SKIC3: variants seen among roughly 807,000 people sequenced by gnomAD.
The protein encoded by SKIC3 is superkiller complex protein 3.
At chr5:95,541,923 T>C in the SKIC3 span, 1 of 1,506,938 alleles carries the variant, frequency 6.6e-7, no homozygotes, top group Non-Finnish European at 9.2e-7. Context: ...GAAGAAGTAC[T>C]CATGATTATT....
the SKIC3 span, chr5:95,528,029 A>G: frequency 6.2e-7 from 1 of 1,613,610 alleles, no homozygotes; most frequent in African/African-American, 1.3e-5. Flanking sequence ...AAGCGTACGA[A>G]TTGCTTCCTC....
At chr5:95,489,989 TTACTAAAAAATGATTAA>T in the SKIC3 span, among the ~76,000 whole-genome samples, 1 of 152,188 alleles carries the variant, frequency 6.6e-6, no homozygotes, top group East Asian at 1.9e-4. Flanking sequence ...TGCTTAACAT[TTACTAAAAAATGATTAA>T]TAACCTAAAA....
chr5:95,465,703 T>C, the SKIC3 span, among the ~76,000 whole-genome samples: 83 of 152,316 alleles, frequency 5.4e-4, no homozygotes, highest in Non-Finnish European at 2.1e-4. Context: ...GTGACGTGGA[T>C]GGACTGATAT....
the SKIC3 span, among the ~76,000 whole-genome samples, chr5:95,554,555 C>T: frequency 6.6e-6 from 1 of 152,236 alleles, no homozygotes; most frequent in Non-Finnish European, 1.5e-5. Context: ...ATGCTTTCCC[C>T]TGCCTACAGC....
the SKIC3 span, chr5:95,484,972 G>A: frequency 1.0e-6 from 1 of 988,274 alleles, no homozygotes; most frequent in Non-Finnish European, 1.6e-6. Context: ...AGTTACATGT[G>A]CCACATGTAC....
chr5:95,509,174 T>C, the SKIC3 span, among the ~76,000 whole-genome samples: 1,891 of 152,252 alleles, frequency 0.012, 42 homozygotes, highest in African/African-American at 0.044. Context: ...TAGTACCTTC[T>C]TCCCGAGAAT....
the SKIC3 span, among the ~76,000 whole-genome samples, chr5:95,493,508 C>A: frequency 6.6e-6 from 1 of 151,980 alleles, no homozygotes; most frequent in Non-Finnish European, 1.5e-5. Context: ...AAATAAAAAA[C>A]CTACCAATAT....
chr5:95,509,731 G>C, the SKIC3 span: 1 of 1,256,686 alleles, frequency 8.0e-7, no homozygotes, highest in Admixed American at 1.7e-5. Flanking sequence ...GCCTACTGAT[G>C]GTATTAACAA....
At chr5:95,487,995 G>C in the SKIC3 span, among the ~76,000 whole-genome samples, 4 of 152,008 alleles carry the variant, frequency 2.6e-5, no homozygotes, top group East Asian at 1.9e-4. Flanking sequence ...GATATCATAA[G>C]AAATAACCAA....
the SKIC3 span, chr5:95,498,637 T>C: frequency 6.4e-7 from 1 of 1,555,068 alleles, no homozygotes; most frequent in African/African-American, 1.4e-5. Flanking sequence ...CTTTTTTTTT[T>C]TTTTTTGAGA....
the SKIC3 span, among the ~76,000 whole-genome samples, chr5:95,497,688 GA>G: frequency 1.3e-5 from 2 of 151,730 alleles, no homozygotes; most frequent in African/African-American, 4.8e-5. Flanking sequence ...ATGAAAATAA[GA>G]AGAAAAAAAT....
the SKIC3 span, among the ~76,000 whole-genome samples, chr5:95,496,889 GAAGTT>G: frequency 1.4e-4 from 22 of 152,216 alleles, no homozygotes; most frequent in Admixed American, 3.9e-4. Flanking sequence ...ATTAACCACA[GAAGTT>G]AATAGAAGAA....
chr5:95,476,491 G>A, the SKIC3 span, among the ~76,000 whole-genome samples: 1 of 152,142 alleles, frequency 6.6e-6, no homozygotes, highest in Non-Finnish European at 1.5e-5. Flanking sequence ...ACTGCCAGCT[G>A]TTTACCATAG....
At chr5:95,495,968 A>T in the SKIC3 span, among the ~76,000 whole-genome samples, 1 of 152,182 alleles carries the variant, frequency 6.6e-6, no homozygotes, top group African/African-American at 2.4e-5. Context: ...CAGAGAGACA[A>T]GTGAGCAAGG....
the SKIC3 span, among the ~76,000 whole-genome samples, chr5:95,508,610 C>G: frequency 6.6e-6 from 1 of 152,194 alleles, no homozygotes; most frequent in Non-Finnish European, 1.5e-5. Flanking sequence ...TTAAACTCAC[C>G]TGAAATGTCA....
the SKIC3 span, chr5:95,537,018 T>A: frequency 3.7e-6 from 6 of 1,606,120 alleles, no homozygotes; most frequent in African/African-American, 8.0e-5. Context: ...ACAAGTCACA[T>A]TAGAGATTTA....
At chr5:95,507,502 C>T in the SKIC3 span, among the ~76,000 whole-genome samples, 1 of 152,148 alleles carries the variant, frequency 6.6e-6, no homozygotes, top group Admixed American at 6.5e-5. Flanking sequence ...GAATAAATAA[C>T]CTGCTGACAA....
At chr5:95,543,363 A>C in the SKIC3 span, 1 of 1,608,602 alleles carries the variant, frequency 6.2e-7, no homozygotes. Flanking sequence ...AGGTTAGTAA[A>C]TTTTCGAAGC....
At chr5:95,497,295 C>A in the SKIC3 span, 1 of 965,004 alleles carries the variant, frequency 1.0e-6, no homozygotes, top group South Asian at 1.4e-5. Context: ...TAGTTAATAA[C>A]AGAACTTTCT....
Sources: gnomAD v4.1 joint callset for allele counts (sites outside exome capture counted in the v4.1 genomes callset) on GRCh38, gnomAD v4.1.1 for gene constraint, MANE v1.5 for transcripts, NCBI Gene and HGNC (gene_info 2026-07-23, HGNC 2026-07-21) for gene names.